The following ADAMTSL3 variants were observed in gnomAD, a reference collection of about 807,000 sequenced individuals.
ADAMTSL3 encodes the protein ADAMTS-like protein 3.
A neutral mutation model predicts 201.7 loss-of-function variants in ADAMTSL3; 128 were observed. The ratio of observed to expected loss-of-function variants is 0.63; its 90% confidence interval spans 0.55 to 0.73. The LOEUF (loss-of-function observed/expected upper bound fraction) is 0.73, where lower values mean the gene tolerates loss of function less well. Among genes scored for constraint, ADAMTSL3 ranks in the 30% least tolerant of loss-of-function variants. The pLI is 0.00. For missense variants in ADAMTSL3, 1,990 were observed against 2,119.6 expected (o/e 0.94, Z 1.20); for synonymous variants, 738 against 748.4 (o/e 0.99, Z 0.23).
At chr15:83,688,565 A>G (rs965001417) in intron 2 of ADAMTSL3, among the ~76,000 whole-genome samples, 1 of 151,750 alleles carries the variant, frequency 6.6e-6, no homozygotes, top group Non-Finnish European at 1.5e-5. Flanking sequence ...AATTATATTT[A>G]TTTGTATATT....
chr15:83,691,211 T>G (rs2061603697), intron 2 of ADAMTSL3, among the ~76,000 whole-genome samples: 2 of 152,246 alleles, frequency 1.3e-5, no homozygotes, highest in South Asian at 4.1e-4. Flanking sequence ...GAACTTTTTT[T>G]CTAAATTCAC....
At chr15:83,999,035 A>G (rs1243811145) in intron 23 of ADAMTSL3, among the ~76,000 whole-genome samples, 2 of 152,252 alleles carry the variant, frequency 1.3e-5, no homozygotes, top group East Asian at 3.8e-4. Flanking sequence ...AAAGTAACAC[A>G]TCTCATTATA....
chr15:83,789,116 C>A (rs905051584), intron 4 of ADAMTSL3, among the ~76,000 whole-genome samples: 1 of 152,044 alleles, frequency 6.6e-6, no homozygotes, highest in African/African-American at 2.4e-5. Context: ...CAGCCGTGTT[C>A]CTCTGTTTTC....
chr15:83,742,470 A>T (rs2062472449), intron 3 of ADAMTSL3, among the ~76,000 whole-genome samples: 1 of 152,222 alleles, frequency 6.6e-6, no homozygotes, highest in African/African-American at 2.4e-5. Context: ...AAACAAAAGC[A>T]GAAATTCAGT....
Position 84,025,106 on chromosome 15 carries a change from C to G in ADAMTSL3, c.4458-132C>G, listed in dbSNP as rs192139322. The G allele has an allele frequency of 6.7e-5, 46 of 691,400 alleles. No homozygotes were observed. The African/African-American group carries it at 7.2e-4, about 11-fold the overall frequency. 42.8% of individuals were successfully genotyped at this position (691,400 alleles called of 1,614,324 possible). A position where few individuals can be genotyped will look rare whatever the true frequency, so the allele number is the denominator to read the frequency against. On this transcript the variant is annotated intron_variant, in intron 26 of 29. Coordinates refer to ENST00000286744, the MANE Select transcript of ADAMTSL3 (RefSeq NM_207517.3). The stretch of plus-strand genomic sequence containing the variant: ...AGGCTGGGAGTCATCTGTGCTGCTT[C>G]CCATTCCCATAGAGACATGTGACAG...
chr15:84,006,237 T>C (rs1277910444), intron 23 of ADAMTSL3, among the ~76,000 whole-genome samples: 4 of 152,212 alleles, frequency 2.6e-5, no homozygotes, highest in Non-Finnish European at 4.4e-5. Flanking sequence ...CTTTTATAAA[T>C]TGGCAACATC....
chr15:83,728,500 A>G (rs1011736637), intron 3 of ADAMTSL3, among the ~76,000 whole-genome samples: 4 of 150,186 alleles, frequency 2.7e-5, no homozygotes, highest in Non-Finnish European at 5.9e-5. Flanking sequence ...TAATTTTTAT[A>G]TATCTGTTGT....
chr15:83,935,132 T>C (rs2066439678), intron 17 of ADAMTSL3, among the ~76,000 whole-genome samples: 1 of 152,208 alleles, frequency 6.6e-6, no homozygotes, highest in Non-Finnish European at 1.5e-5. Flanking sequence ...CCAGACTTTA[T>C]CACTTTGCAA....
intron 4 of ADAMTSL3, among the ~76,000 whole-genome samples, chr15:83,803,780 CAG>C (rs1183067147): frequency 1.3e-5 from 2 of 152,124 alleles, no homozygotes; most frequent in African/African-American, 4.8e-5. Flanking sequence ...TCAAACTTAC[CAG>C]TATTAGCATC....
intron 6 of ADAMTSL3, among the ~76,000 whole-genome samples, chr15:83,830,050 G>A (rs1434697918): frequency 1.3e-5 from 2 of 152,114 alleles, no homozygotes; most frequent in Non-Finnish European, 1.5e-5. Context: ...CTGAATGTTT[G>A]GTTGGATGTG....
intron 2 of ADAMTSL3, among the ~76,000 whole-genome samples, chr15:83,695,063 G>A (rs1282493306): frequency 6.7e-6 from 1 of 148,420 alleles, no homozygotes; most frequent in African/African-American, 2.5e-5. Flanking sequence ...TATTTGTGGC[G>A]TGTGCATGTA....
chr15:83,820,163 C>A, intron 6 of ADAMTSL3, 116 bp downstream of exon 6: 2 of 866,526 alleles, frequency 2.3e-6, no homozygotes, highest in Admixed American at 2.0e-5. Context: ...TTGCTATTGG[C>A]CAGGTACGGT....
chr15:83,843,304 A>G (rs1402515672), intron 7 of ADAMTSL3, among the ~76,000 whole-genome samples: 3 of 152,074 alleles, frequency 2.0e-5, no homozygotes, highest in Non-Finnish European at 4.4e-5. Flanking sequence ...CAGATCCTTC[A>G]GTGCAGGGCA....
chr15:83,693,931 C>T lies in ADAMTSL3; in HGVS notation c.70-10458C>T, dbSNP rs2061646428. ...CCATTCTTTTGAGATTCTCCCCCCG[C>T]AACCATTTGGGTAAAATAAAATATT... On this transcript the variant is annotated intron_variant, in intron 2 of 29. Coordinates refer to ENST00000286744, the MANE Select transcript of ADAMTSL3 (RefSeq NM_207517.3). 2.0e-5 allele frequency among the ~76,000 whole-genome samples: 3 copies of T among 152,304 alleles called. No individual in the cohort carries two copies. In the South Asian group the frequency reaches 6.2e-4, roughly 32 times the overall value.
chr15:83,687,997 A>C (rs1347748736), intron 2 of ADAMTSL3, among the ~76,000 whole-genome samples: 2 of 152,244 alleles, frequency 1.3e-5, no homozygotes, highest in Non-Finnish European at 2.9e-5. Context: ...AAAACCACAA[A>C]GTGTAAAGCA....
rs151302068 is a variant in ADAMTSL3, at chr15:84,015,383, T to G, written c.4156+659T>G. Among the ~76,000 whole-genome samples the G allele has an allele frequency of 2.2e-3, 337 of 152,274 alleles. 2 individuals carry two copies. The highest frequency in any genetic ancestry group is 7.8e-3 in the African/African-American group (323 of 41,564). On this transcript the variant is annotated intron_variant, in intron 24 of 29. Transcript: ENST00000286744. ...TTCTCCATAGCTTTCCTTGGGGCAG[T>G]TAGAGGAGCCCAGAGATATAAAGAG...
At chr15:84,019,686 G>A (rs1324447634) in intron 25 of ADAMTSL3, among the ~76,000 whole-genome samples, 1 of 151,988 alleles carries the variant, frequency 6.6e-6, no homozygotes, top group Non-Finnish European at 1.5e-5. Flanking sequence ...AAGGTCAGGG[G>A]TTCGAGACCA....
intron 5 of ADAMTSL3, among the ~76,000 whole-genome samples, chr15:83,817,654 A>G (rs554083528): frequency 1.3e-5 from 2 of 152,362 alleles, no homozygotes; most frequent in South Asian, 4.1e-4. Context: ...GAAAATAATA[A>G]AAAGACAAAA....
chr15:83,747,431 T>C (rs141203509), intron 3 of ADAMTSL3, among the ~76,000 whole-genome samples: 1 of 152,236 alleles, frequency 6.6e-6, no homozygotes, highest in East Asian at 1.9e-4. Context: ...TTTCAGTAAG[T>C]TTTTCCATTT....
Sources: gnomAD v4.1 joint callset for allele counts (sites outside exome capture counted in the v4.1 genomes callset) on GRCh38, gnomAD v4.1.1 for gene constraint, MANE v1.5 for transcripts, NCBI Gene and HGNC (gene_info 2026-07-23, HGNC 2026-07-21) for gene names.